Variants in LPAR1 observed in about 807,000 individuals in gnomAD.
LPAR1 encodes the protein lysophosphatidic acid receptor 1, also known as LPA receptor 1.
LPAR1 carries 5 observed loss-of-function variants against 23.8 expected under a neutral mutation model. The ratio of observed to expected loss-of-function variants is 0.21; its 90% confidence interval spans 0.11 to 0.44. LPAR1 has a LOEUF of 0.44. LPAR1 is among the 20% of genes least tolerant of loss of function. The pLI is 0.99. For missense variants in LPAR1, 311 were observed against 482.8 expected (o/e 0.64, Z 3.33); for synonymous variants, 160 against 164.7 (o/e 0.97, Z 0.22).
At chr9:110,939,388 C>T (rs2094940222) in intron 5 of LPAR1, among the ~76,000 whole-genome samples, 1 of 152,174 alleles carries the variant, frequency 6.6e-6, no homozygotes, top group South Asian at 2.1e-4. Flanking sequence ...CACCAAATAC[C>T]TTCACCTATC....
chr9:110,904,640 A>G (rs1183299005), intron 5 of LPAR1, among the ~76,000 whole-genome samples: 1 of 152,226 alleles, frequency 6.6e-6, no homozygotes, highest in Non-Finnish European at 1.5e-5. Context: ...CTGAGACAGA[A>G]CTAGACTGGA....
intron 5 of LPAR1, among the ~76,000 whole-genome samples, chr9:110,905,491 C>T (rs1169260688): frequency 4.0e-5 from 6 of 151,726 alleles, no homozygotes; most frequent in African/African-American, 1.2e-4. Context: ...GGATTACAGG[C>T]GTGTGCCACC....
In LPAR1 at chr9:110,969,585, A is replaced by G. The variant is rs78874410; in HGVS notation, c.45+2488T>C. 7.1e-3 allele frequency among the ~76,000 whole-genome samples: 1,081 copies of G among 152,004 alleles called. 16 individuals carry two copies. Among genetic ancestry groups the G allele is most frequent in the African/African-American group, 0.024 (1,014 of 41,482 alleles). On this transcript the variant is annotated intron_variant, in intron 4 of 5. Coordinates refer to ENST00000683809, the MANE Select transcript of LPAR1 (RefSeq NM_001351411.2). Reference sequence around the variant, plus strand: ...AAATTAACCAGGCATGGAGGCACACACCTATAATCCTAGCTACTTGGGAGG... The same window carrying G: ...AAATTAACCAGGCATGGAGGCACACGCCTATAATCCTAGCTACTTGGGAGG...
chr9:110,925,914 G>GT (rs940852739), intron 5 of LPAR1, among the ~76,000 whole-genome samples: 53 of 151,180 alleles, frequency 3.5e-4, no homozygotes, highest in East Asian at 1.4e-3. Flanking sequence ...ATCAGAACTG[G>GT]TTTTTTTTTG....
chr9:110,924,847 T>C lies in LPAR1; in HGVS notation c.793+16574A>G, dbSNP rs549860254. 2.6e-5 allele frequency among the ~76,000 whole-genome samples: 4 copies of C among 152,326 alleles called. No homozygotes were observed. The East Asian group carries it at 7.7e-4, about 29-fold the overall frequency. Reference sequence around the variant, plus strand: ...ACTTCCAACAAGATAGTCTCTCTCCTCTAAATTCTCATACAGCTTTATTTG... The same window carrying C: ...ACTTCCAACAAGATAGTCTCTCTCCCCTAAATTCTCATACAGCTTTATTTG... On this transcript the variant is annotated intron_variant, in intron 5 of 5. Transcript: ENST00000683809.
chr9:111,000,008 G>A (rs1031592579), intron 2 of LPAR1, among the ~76,000 whole-genome samples: 4 of 152,072 alleles, frequency 2.6e-5, no homozygotes, highest in Admixed American at 6.6e-5. Context: ...TCAACACACC[G>A]ACTGTAGGGT....
intron 2 of LPAR1, among the ~76,000 whole-genome samples, chr9:111,018,931 T>C (rs10980693): frequency 0.13 from 20,000 of 152,208 alleles, 1,642 homozygotes; most frequent in Non-Finnish European, 0.19. Flanking sequence ...TATCAGGCTA[T>C]TAAAAATATG....
At chr9:111,003,119 A>T (rs1380871372) in intron 2 of LPAR1, among the ~76,000 whole-genome samples, 1 of 152,208 alleles carries the variant, frequency 6.6e-6, no homozygotes, top group African/African-American at 2.4e-5. Context: ...ATCAACTGTA[A>T]ATTAAACAGT....
intron 4 of LPAR1, among the ~76,000 whole-genome samples, chr9:110,965,004 G>A (rs2096158020): frequency 1.3e-5 from 2 of 151,868 alleles, no homozygotes; most frequent in African/African-American, 2.4e-5. Flanking sequence ...CTGAGTAGCT[G>A]AGATTACAGG....
chr9:110,954,747 A>G lies in LPAR1; in HGVS notation c.46-12579T>C, dbSNP rs568286519. ...AAAAAAAACTGCCAGTAAAGATACT[A>G]TACCCAGCAAAGTTATCCTTCATAA... On this transcript the variant is annotated intron_variant, in intron 4 of 5. Transcript: ENST00000683809. Among the ~76,000 whole-genome samples the G allele has an allele frequency of 2.0e-5, 3 of 152,306 alleles. No individual in the cohort carries two copies. The East Asian group carries it at 5.8e-4, about 29-fold the overall frequency.
At chr9:110,997,458 T>C (rs1336342078) in intron 2 of LPAR1, among the ~76,000 whole-genome samples, 1 of 152,202 alleles carries the variant, frequency 6.6e-6, no homozygotes, top group Non-Finnish European at 1.5e-5. Flanking sequence ...TAATTCCTAG[T>C]AAGAGTTATC....
intron 2 of LPAR1, among the ~76,000 whole-genome samples, chr9:111,029,663 T>C (rs1003292943): frequency 2.6e-5 from 4 of 152,116 alleles, no homozygotes; most frequent in African/African-American, 7.2e-5. Flanking sequence ...TATTCATCAC[T>C]ACCTACCTGA....
Position 110,972,179 on chromosome 9 carries a change from T to G in LPAR1, c.-62A>C. On this transcript the variant is annotated 5_prime_UTR_variant, in exon 4 of 6. Transcript: ENST00000683809. ...GAACTACGGGAGACAAATTTTCTTG[T>G]TTGCTGATCAGATCGAAGTCATGCT... 6.1e-6 allele frequency: 9 copies of G among 1,479,518 alleles called. No homozygotes were observed. Among genetic ancestry groups the G allele is most frequent in the Non-Finnish European group, 8.5e-6 (9 of 1,057,570 alleles). 91.6% of individuals were successfully genotyped at this position (1,479,518 alleles called of 1,614,324 possible). A position where few individuals can be genotyped will look rare whatever the true frequency, so the allele number is the denominator to read the frequency against.
intron 4 of LPAR1, among the ~76,000 whole-genome samples, chr9:110,955,200 A>G (rs886284883): frequency 9.2e-5 from 14 of 152,208 alleles, no homozygotes; most frequent in African/African-American, 3.4e-4. Flanking sequence ...AACTCATCTC[A>G]TCTGTGAAGA....
chr9:110,934,439 T>C (rs1449097822), intron 5 of LPAR1: 1 of 152,178 alleles, frequency 6.6e-6, no homozygotes, highest in Non-Finnish European at 1.5e-5. Flanking sequence ...GTACAACTAA[T>C]TGATTATAAC....
intron 5 of LPAR1, among the ~76,000 whole-genome samples, chr9:110,901,367 C>T (rs946197252): frequency 6.6e-6 from 1 of 152,114 alleles, no homozygotes; most frequent in Non-Finnish European, 1.5e-5. Flanking sequence ...CATTGAAGCC[C>T]ATAGAGGCAG....
intron 5 of LPAR1, among the ~76,000 whole-genome samples, chr9:110,925,619 T>C (rs2093961936): frequency 6.6e-6 from 1 of 152,154 alleles, no homozygotes; most frequent in Non-Finnish European, 1.5e-5. Flanking sequence ...TACAGGCCTA[T>C]AAAAGAAGCT....
chr9:110,963,619 T>C (rs1346910537), intron 4 of LPAR1, among the ~76,000 whole-genome samples: 1 of 152,082 alleles, frequency 6.6e-6, no homozygotes, highest in Non-Finnish European at 1.5e-5. Context: ...GTAACAAACC[T>C]GCACATTGTG....
intron 2 of LPAR1, among the ~76,000 whole-genome samples, chr9:111,017,354 G>A (rs747847506): frequency 6.6e-6 from 1 of 151,998 alleles, no homozygotes; most frequent in South Asian, 2.1e-4. Context: ...CCCATCCCTC[G>A]AGTCTGAGTT....
Sources: gnomAD v4.1 joint callset for allele counts (sites outside exome capture counted in the v4.1 genomes callset) on GRCh38, gnomAD v4.1.1 for gene constraint, MANE v1.5 for transcripts, NCBI Gene and HGNC (gene_info 2026-07-23, HGNC 2026-07-21) for gene names.